The following RBM27 variants were observed in gnomAD, a reference collection of about 807,000 sequenced individuals.
The protein encoded by RBM27 is RNA binding motif protein 27.
In RBM27, 22 loss-of-function variants were observed where a neutral mutation model predicts 135.3. That is an observed-to-expected ratio of 0.16 (90% CI 0.12 to 0.23). RBM27 has a LOEUF of 0.23. Ranked by LOEUF, RBM27 falls within the 10% of genes least tolerant of loss-of-function variation. RBM27 has a pLI of 1.00. For missense variants in RBM27, 1,009 were observed against 1,281.0 expected, an observed-to-expected ratio of 0.79 and a Z score of 3.24; for synonymous variants, 481 against 442.4, an observed-to-expected ratio of 1.09 and a Z score of -1.10.
intron 8 of RBM27, among the ~76,000 whole-genome samples, chr5:146,239,251 T>C (rs1430569547): frequency 6.6e-6 from 1 of 152,148 alleles, no homozygotes; most frequent in Admixed American, 6.5e-5. Context: ...TCATCCACGC[T>C]AGATCACTTC....
Position 146,203,690 on chromosome 5 carries a change from A to G in RBM27, c.-76A>G. The G allele has an allele frequency of 7.5e-7, 1 of 1,338,704 alleles. No homozygotes were observed. The allele number at this position is 1,338,704 out of a possible 1,614,324, so 82.9% of individuals were successfully genotyped here. ...TGGGGCACCGGGAGCTGTGAAGGGA[A>G]CGTGAGGGGGCGGCGTAGTGGAGAC... is the stretch of plus-strand genomic sequence containing the variant. On this transcript the variant is annotated 5_prime_UTR_variant, in exon 1 of 21. Coordinates refer to ENST00000265271, the MANE Select transcript of RBM27 (RefSeq NM_018989.2).
chr5:146,219,212 C>G (rs1756336892), intron 2 of RBM27, 109 bp downstream of exon 2: 5 of 702,118 alleles, frequency 7.1e-6, no homozygotes, highest in Admixed American at 2.7e-5. Flanking sequence ...TAGTCAGAGT[C>G]CTTTGAATAC....
intron 10 of RBM27, among the ~76,000 whole-genome samples, chr5:146,257,004 C>A (rs1196368283): frequency 1.3e-5 from 2 of 152,188 alleles, no homozygotes; most frequent in Non-Finnish European, 2.9e-5. Context: ...ATCGCAGTTG[C>A]TATCTTCTTC....
chr5:146,276,525 G>A (rs796438806), intron 19 of RBM27, among the ~76,000 whole-genome samples: 9 of 152,204 alleles, frequency 5.9e-5, no homozygotes, highest in African/African-American at 2.2e-4. Context: ...CAAAGACTTC[G>A]CACATAGTTA....
intron 3 of RBM27, among the ~76,000 whole-genome samples, chr5:146,225,615 G>C (rs1756639325): frequency 6.6e-6 from 1 of 150,748 alleles, no homozygotes; most frequent in African/African-American, 2.4e-5. Flanking sequence ...GCCCAGGTTG[G>C]AGTGCAGTGG....
At chr5:146,207,658 CTTT>C (rs1224104910) in intron 1 of RBM27, among the ~76,000 whole-genome samples, 8 of 128,938 alleles carry the variant, frequency 6.2e-5, no homozygotes, top group Non-Finnish European at 5.0e-5. Context: ...GGAGATATTT[CTTT>C]TTTTTTTTTT....
chr5:146,215,773 G>C (rs746116045), intron 1 of RBM27, among the ~76,000 whole-genome samples: 1 of 149,846 alleles, frequency 6.7e-6, no homozygotes, highest in Non-Finnish European at 1.5e-5. Flanking sequence ...TTTTTTTTGA[G>C]ACTGTCTCTC....
rs1266139192 is a variant in RBM27, at chr5:146,217,508, T to G, written c.60-1477T>G. ...TTTTTTTTTGGAGACAAGGTCTCAC[T>G]CTGTTGCCTAGGCTGGACTGCAGTG... On this transcript the variant is annotated intron_variant, in intron 1 of 20. Coordinates refer to ENST00000265271, the MANE Select transcript of RBM27 (RefSeq NM_018989.2). Among the ~76,000 whole-genome samples, 5 of 125,912 alleles carry G rather than the reference T, an allele frequency of 4.0e-5. No individual in the cohort carries two copies. The East Asian group carries it at 1.4e-3, about 35-fold the overall frequency. The allele number at this position is 125,912 out of a possible 152,430, so 82.6% of individuals were successfully genotyped here. A position where few individuals can be genotyped will look rare whatever the true frequency, so the allele number is the denominator to read the frequency against.
chr5:146,265,232 G>A (rs753180485), intron 14 of RBM27, among the ~76,000 whole-genome samples: 16 of 151,970 alleles, frequency 1.1e-4, no homozygotes, highest in Admixed American at 2.6e-4. Context: ...TGCAAATGTA[G>A]TATATCTACA....
intron 9 of RBM27, 116 bp downstream of exon 9, chr5:146,251,991 TA>T: frequency 8.6e-7 from 1 of 1,161,112 alleles, no homozygotes; most frequent in Non-Finnish European, 1.2e-6. Context: ...TTAAAGCTCA[TA>T]GGTAGTTTTA....
intron 1 of RBM27, among the ~76,000 whole-genome samples, chr5:146,211,568 G>A (rs1305668214): frequency 7.5e-6 from 1 of 132,554 alleles, no homozygotes; most frequent in African/African-American, 2.8e-5. Flanking sequence ...CACAACCTCC[G>A]CCTCCTGGGT....
chr5:146,238,443 G>A (rs570555106), intron 8 of RBM27, among the ~76,000 whole-genome samples: 1 of 152,276 alleles, frequency 6.6e-6, no homozygotes, highest in Admixed American at 6.5e-5. Context: ...GGGAGGCGGA[G>A]GTTGCAGTGA....
intron 13 of RBM27, among the ~76,000 whole-genome samples, chr5:146,263,192 C>CT (rs1426308399): frequency 1.3e-5 from 2 of 152,116 alleles, no homozygotes; most frequent in African/African-American, 4.8e-5. Context: ...CCAAGACCCT[C>CT]TAATTCTTTC....
intron 19 of RBM27, among the ~76,000 whole-genome samples, chr5:146,281,086 C>G (rs555764885): frequency 6.6e-6 from 1 of 152,240 alleles, no homozygotes; most frequent in East Asian, 1.9e-4. Flanking sequence ...GTCTCAAACT[C>G]CTGACATCGG....
At position 146,262,830 on chromosome 5, in the gene RBM27, A is replaced by G. The variant is rs373654693; in HGVS notation, c.2191-661A>G. Among the ~76,000 whole-genome samples the G allele has an allele frequency of 7.3e-4, 111 of 151,430 alleles. 1 individual carries two copies. Among genetic ancestry groups the G allele is most frequent in the South Asian group, 3.5e-3 (17 of 4,798 alleles). ...ATGTTTTTGAGGTGATCATTTCACA[A>G]TTATTCATATTAAGCCACTGTCAGT... On this transcript the variant is annotated intron_variant, in intron 13 of 20. Transcript: ENST00000265271.
chr5:146,233,926 T>C (rs922186297), intron 7 of RBM27, among the ~76,000 whole-genome samples, 183 bp downstream of exon 7: 3 of 152,242 alleles, frequency 2.0e-5, no homozygotes, highest in African/African-American at 7.2e-5. Context: ...TGATGTTATT[T>C]GTATTACCAC....
chr5:146,233,580 A>G lies in RBM27; in HGVS notation c.981A>G (p.Pro327=), dbSNP rs368377565. 1.9e-6 allele frequency: 3 copies of G among 1,608,624 alleles called. No homozygotes were observed. The highest frequency in any genetic ancestry group is 2.5e-6 in the Non-Finnish European group (3 of 1,177,990). Residue 327 remains proline, a synonymous_variant, in exon 7 of 21, where the codon CCA becomes CCG. Coordinates refer to ENST00000265271, the MANE Select transcript of RBM27 (RefSeq NM_018989.2). ...CTCCTCCTGGGCTTCCTCCTCCACC[A>G]CCTCCTGGAATGTTAATGCCTCCAA... The part of the protein sequence containing the change: ...PPPPPGLPPP[P]PPGMLMPPMP...
At chr5:146,278,935 A>T (rs1007911925) in intron 19 of RBM27, among the ~76,000 whole-genome samples, 2 of 151,336 alleles carry the variant, frequency 1.3e-5, no homozygotes, top group African/African-American at 4.8e-5. Context: ...GTTAGCCAGG[A>T]TGGTCTCGAT....
At chr5:146,228,578 G>A (rs1014039830) in intron 3 of RBM27, among the ~76,000 whole-genome samples, 6 of 151,222 alleles carry the variant, frequency 4.0e-5, no homozygotes, top group South Asian at 4.2e-4. Context: ...CACTGCGCCC[G>A]GCCGAGAGGG....
Sources: gnomAD v4.1 joint callset for allele counts (sites outside exome capture counted in the v4.1 genomes callset) on GRCh38, gnomAD v4.1.1 for gene constraint, MANE v1.5 for transcripts, NCBI Gene and HGNC (gene_info 2026-07-23, HGNC 2026-07-21) for gene names.